The following CLDN14 variants were observed in gnomAD, a reference collection of about 807,000 sequenced individuals.
CLDN14 encodes claudin-14.
CLDN14 carries 2 observed loss-of-function variants against 2.1 expected under a neutral mutation model. That is an observed-to-expected ratio of 0.96 (90% confidence interval 0.39 to 3.01). The LOEUF is 3.01. CLDN14 is among the 30% of genes most tolerant of loss of function. The pLI is 0.09. For missense variants in CLDN14, 298 were observed against 328.0 expected, an observed-to-expected ratio of 0.91 and a Z score of 0.71; for synonymous variants, 136 against 154.4, an observed-to-expected ratio of 0.88 and a Z score of 0.88.
intron 2 of CLDN14, among the ~76,000 whole-genome samples, chr21:36,503,175 T>C (rs1443609008): frequency 6.6e-6 from 1 of 152,208 alleles, no homozygotes; most frequent in Non-Finnish European, 1.5e-5. Context: ...TGCCTCAGCC[T>C]CCCAAGTAGC....
At position 36,488,279 on chromosome 21, in the gene CLDN14, CTCTT is replaced by C. The variant is rs145010742; in HGVS notation, c.-82+22080_-82+22083del. Among the ~76,000 whole-genome samples the C allele has an allele frequency of 1.7e-3, 72 of 42,800 alleles. 1 individual carries two copies. The highest frequency in any genetic ancestry group is 6.2e-3 in the African/African-American group (70 of 11,302). The allele number at this position is 42,800 out of a possible 152,430, so 28.1% of individuals were successfully genotyped here. On this transcript the variant is annotated intron_variant, in intron 2 of 2. Transcript: ENST00000342108. Reference sequence around the variant, plus strand: ...CTTCCTTCCTTCCTTCCTTCCCTCTCTCTTTCTTTTTGAGACAGAGTCTCACTCT... The same window carrying C: ...CTTCCTTCCTTCCTTCCTTCCCTCTCTCTTTTTGAGACAGAGTCTCACTCT...
intron 2 of CLDN14, chr21:36,485,925 T>C: frequency 1.0e-6 from 1 of 998,724 alleles, no homozygotes; most frequent in South Asian, 1.5e-5. Flanking sequence ...TCTAACCCTA[T>C]ATTCTCTGCG....
chr21:36,572,451 C>G (rs553501866), intron 1 of CLDN14, among the ~76,000 whole-genome samples: 12 of 152,256 alleles, frequency 7.9e-5, no homozygotes, highest in African/African-American at 2.6e-4. Context: ...CCACCCAGGT[C>G]TGCATGCTGG....
intron 2 of CLDN14, among the ~76,000 whole-genome samples, chr21:36,505,318 T>A (rs1011072680): frequency 6.6e-6 from 1 of 152,254 alleles, no homozygotes; most frequent in African/African-American, 2.4e-5. Context: ...TAGATTGGAA[T>A]TTTTTAAAAA....
intron 1 of CLDN14, among the ~76,000 whole-genome samples, chr21:36,555,121 A>G (rs1270239215): frequency 6.6e-6 from 1 of 152,232 alleles, no homozygotes; most frequent in East Asian, 1.9e-4. Context: ...ATGGATACCT[A>G]TAACTCCGTC....
At chr21:36,488,152 C>T (rs377266757) in intron 2 of CLDN14, among the ~76,000 whole-genome samples, 129 of 152,278 alleles carry the variant, frequency 8.5e-4, no homozygotes, top group African/African-American at 2.9e-3. Flanking sequence ...TGCTCCAACA[C>T]GGCTGAACCT....
rs145148988 is a variant in CLDN14, at chr21:36,497,865, G to T, written c.-82+12498C>A. 8.3e-3 allele frequency among the ~76,000 whole-genome samples: 1,264 copies of T among 152,246 alleles called. 17 individuals carry two copies. Among genetic ancestry groups the T allele is most frequent in the African/African-American group, 0.029 (1,187 of 41,544 alleles). The stretch of plus-strand genomic sequence containing the variant: ...GGGGGGCTGGGTGGGGGCACCTGTG[G>T]GGACTGCCCCGTGAGGCTGTGGTTT... On this transcript the variant is annotated intron_variant, in intron 2 of 2. Coordinates refer to the CLDN14 transcript ENST00000342108.
chr21:36,471,955 C>T (rs1369821936), intron 1 of CLDN14, among the ~76,000 whole-genome samples: 1 of 152,130 alleles, frequency 6.6e-6, no homozygotes, highest in African/African-American at 2.4e-5. Context: ...CCAGGTGCTC[C>T]AAAGCAGTTA....
At chr21:36,566,953 C>T (rs966248918) in intron 1 of CLDN14, among the ~76,000 whole-genome samples, 1 of 152,214 alleles carries the variant, frequency 6.6e-6, no homozygotes, top group Non-Finnish European at 1.5e-5. Flanking sequence ...GGGCTGATTA[C>T]AAACTCGTAA....
chr21:36,524,552 C>T (rs535872755), intron 1 of CLDN14, among the ~76,000 whole-genome samples: 12 of 152,280 alleles, frequency 7.9e-5, no homozygotes, highest in East Asian at 1.9e-4. Flanking sequence ...AGGCAGATAC[C>T]GACCCTGAGC....
intron 1 of CLDN14, among the ~76,000 whole-genome samples, chr21:36,474,657 T>C (rs1232678379): frequency 2.0e-5 from 3 of 150,556 alleles, no homozygotes; most frequent in African/African-American, 7.3e-5. Context: ...ACCAAAAGAG[T>C]TAGAAACCTC....
intron 1 of CLDN14, among the ~76,000 whole-genome samples, chr21:36,477,972 G>T (rs219744): frequency 6.6e-6 from 1 of 152,032 alleles, no homozygotes; most frequent in Non-Finnish European, 1.5e-5. Flanking sequence ...GGCCACCTGC[G>T]TTTTAAAAAC....
At chr21:36,507,800 G>C (rs2087147126) in intron 2 of CLDN14, among the ~76,000 whole-genome samples, 1 of 152,156 alleles carries the variant, frequency 6.6e-6, no homozygotes, top group Admixed American at 6.6e-5. Context: ...TGGTTCATAA[G>C]TAGAGGGAGT....
intron 1 of CLDN14, among the ~76,000 whole-genome samples, chr21:36,552,308 C>T (rs912709831): frequency 3.3e-5 from 5 of 152,348 alleles, no homozygotes; most frequent in East Asian, 1.9e-4. Flanking sequence ...ACTGCAAAGA[C>T]GCATGCACTT....
intron 1 of CLDN14, among the ~76,000 whole-genome samples, chr21:36,515,322 G>A (rs545757457): frequency 1.3e-5 from 2 of 152,270 alleles, no homozygotes; most frequent in East Asian, 3.9e-4. Context: ...ATCGATGGGT[G>A]AATGGATAAA....
chr21:36,490,009 C>T (rs975283847), intron 2 of CLDN14, among the ~76,000 whole-genome samples: 12 of 152,290 alleles, frequency 7.9e-5, no homozygotes, highest in Middle Eastern at 3.4e-3. Context: ...TCTCCACTCC[C>T]AGGCCCAGCT....
chr21:36,571,127 G>A (rs1233977792), intron 1 of CLDN14, among the ~76,000 whole-genome samples: 1 of 152,188 alleles, frequency 6.6e-6, no homozygotes, highest in African/African-American at 2.4e-5. Context: ...GGCGTGAGCC[G>A]CCGTGCCCAG....
intron 1 of CLDN14, among the ~76,000 whole-genome samples, chr21:36,536,050 C>G (rs1477283038): frequency 6.6e-6 from 1 of 152,222 alleles, no homozygotes; most frequent in African/African-American, 2.4e-5. Context: ...CTGTTCAGCA[C>G]TTAAGCAGAC....
At chr21:36,571,749 C>T (rs2087711617) in intron 1 of CLDN14, among the ~76,000 whole-genome samples, 1 of 152,120 alleles carries the variant, frequency 6.6e-6, no homozygotes. Flanking sequence ...ACAAGCCCTG[C>T]CAAATTCCAT....
Sources: gnomAD v4.1 joint callset for allele counts (sites outside exome capture counted in the v4.1 genomes callset) on GRCh38, gnomAD v4.1.1 for gene constraint, MANE v1.5 for transcripts, NCBI Gene and HGNC (gene_info 2026-07-23, HGNC 2026-07-21) for gene names.